Variants in PARD3B observed in about 807,000 individuals in gnomAD.
The protein encoded by PARD3B is par-3 family cell polarity regulator beta.
A neutral mutation model predicts 130.2 loss-of-function variants in PARD3B; 103 were observed. That is an observed-to-expected ratio of 0.79 (90% CI 0.67 to 0.93). The LOEUF (loss-of-function observed/expected upper bound fraction) is 0.93, where lower values mean the gene tolerates loss of function less well. Ranked by LOEUF, PARD3B falls within the 40% of genes least tolerant of loss-of-function variation. PARD3B has a pLI of 0.00. For synonymous variants in PARD3B, 583 were observed against 553.2 expected (o/e 1.05, Z -0.76); for missense variants, 1,609 against 1,499.2 (o/e 1.07, Z -1.21).
intron 18 of PARD3B, among the ~76,000 whole-genome samples, chr2:205,396,400 C>G (rs1463333596): frequency 6.6e-6 from 1 of 152,070 alleles, no homozygotes. Flanking sequence ...TAGTGGATAC[C>G]TAATAAATAT....
chr2:205,073,804 G>A (rs1575707097), intron 4 of PARD3B, among the ~76,000 whole-genome samples: 1 of 152,236 alleles, frequency 6.6e-6, no homozygotes, highest in East Asian at 1.9e-4. Flanking sequence ...GGAAAGATGT[G>A]TTGAATATAA....
At chr2:205,541,405 A>G (rs972997459) in intron 21 of PARD3B, among the ~76,000 whole-genome samples, 2 of 148,370 alleles carry the variant, frequency 1.3e-5, no homozygotes, top group African/African-American at 5.0e-5. Flanking sequence ...CTGGAATGCA[A>G]TGGCGTGATC....
chr2:204,613,545 T>C (rs962195636), intron 1 of PARD3B, among the ~76,000 whole-genome samples: 3 of 152,120 alleles, frequency 2.0e-5, no homozygotes, highest in African/African-American at 7.2e-5. Flanking sequence ...GGTTCTGTTA[T>C]TGCGTTTTGG....
At chr2:205,314,852 C>G (rs2042507112) in intron 18 of PARD3B, among the ~76,000 whole-genome samples, 1 of 152,150 alleles carries the variant, frequency 6.6e-6, no homozygotes, top group Non-Finnish European at 1.5e-5. Flanking sequence ...TCCTGACTCT[C>G]CCAATTCTGT....
intron 18 of PARD3B, among the ~76,000 whole-genome samples, chr2:205,376,065 G>T (rs1326710228): frequency 6.6e-6 from 1 of 152,104 alleles, no homozygotes; most frequent in Admixed American, 6.5e-5. Context: ...AATAACAAGT[G>T]TTTACTGACT....
In PARD3B at chr2:204,623,559, C is replaced by CT. The variant is rs1305116312; in HGVS notation, c.121-62613dup. ...GCAGTCCATGACCTTTTGAGAATGA[C>CT]TTTTTTTTTCTACTTGGCATAATGT... On this transcript the variant is annotated intron_variant, in intron 1 of 22. Transcript: ENST00000406610. This position sits in a 1 kb window ranked among gnomAD's most constrained non-coding sequence, Gnocchi z 4.5. Among the ~76,000 whole-genome samples, 3 of 151,572 alleles carry CT rather than the reference C, an allele frequency of 2.0e-5. No homozygotes were observed. Among genetic ancestry groups the CT allele is most frequent in the Non-Finnish European group, 2.9e-5 (2 of 67,816 alleles).
At chr2:204,577,881 T>C (rs1045826486) in intron 1 of PARD3B, among the ~76,000 whole-genome samples, 2 of 152,234 alleles carry the variant, frequency 1.3e-5, no homozygotes, top group South Asian at 2.1e-4. Context: ...TTTCTCACTT[T>C]TAAATGATGG....
In PARD3B at chr2:205,021,578, TTCTC is replaced by T. The variant is rs1268921716; in HGVS notation, c.395-25995_395-25992del. 6.0e-5 allele frequency among the ~76,000 whole-genome samples: 9 copies of T among 151,258 alleles called. No homozygotes were observed. Among genetic ancestry groups the T allele is most frequent in the Non-Finnish European group, 1.0e-4 (7 of 67,794 alleles). ...ATTTATTGAGCAACTATATGCTCTC[TTCTC>T]TCTCTCTTCTCTTCTCTCTCTCTCT... On this transcript the variant is annotated intron_variant, in intron 3 of 22. Coordinates refer to ENST00000406610, the MANE Select transcript of PARD3B (RefSeq NM_001302769.2). This position sits in a 1 kb window ranked among gnomAD's most constrained non-coding sequence, Gnocchi z 4.5.
intron 21 of PARD3B, among the ~76,000 whole-genome samples, chr2:205,512,490 TCA>T (rs2050623495): frequency 1.3e-5 from 2 of 152,286 alleles, no homozygotes; most frequent in East Asian, 3.9e-4. Flanking sequence ...CATCTCTCAC[TCA>T]CAGACATAGC....
chr2:204,842,900 A>G (rs909974550), intron 2 of PARD3B, among the ~76,000 whole-genome samples: 1 of 152,110 alleles, frequency 6.6e-6, no homozygotes, highest in African/African-American at 2.4e-5. Context: ...GAAATGTACC[A>G]GAATAGGAGA....
intron 19 of PARD3B, among the ~76,000 whole-genome samples, chr2:205,414,853 A>ATAT (rs1249949584): frequency 2.0e-5 from 3 of 152,118 alleles, no homozygotes; most frequent in Non-Finnish European, 2.9e-5. Flanking sequence ...GCACTTAAAG[A>ATAT]TATTTTCAGA....
Position 205,120,481 on chromosome 2 carries a change from G to T in PARD3B, c.807-1110G>T, listed in dbSNP as rs139940972. 5.4e-3 allele frequency among the ~76,000 whole-genome samples: 815 copies of T among 152,280 alleles called. 5 individuals carry two copies. Among genetic ancestry groups the T allele is most frequent in the African/African-American group, 0.018 (763 of 41,546 alleles). On this transcript the variant is annotated intron_variant, in intron 7 of 22. Coordinates refer to ENST00000406610, the MANE Select transcript of PARD3B (RefSeq NM_001302769.2). ...GTTTAAGGAATCAGATTGCAGTTGGGATTATGATTAGTTATTATGTGCTGT... is the reference window on the plus strand; with the variant it reads ...GTTTAAGGAATCAGATTGCAGTTGGTATTATGATTAGTTATTATGTGCTGT...
intron 2 of PARD3B, among the ~76,000 whole-genome samples, chr2:204,924,816 G>A (rs1361182683): frequency 6.6e-6 from 1 of 151,996 alleles, no homozygotes; most frequent in East Asian, 1.9e-4. Flanking sequence ...TGCCGAATTG[G>A]ATTCACAGTA....
chr2:204,904,990 G>C (rs939520170), intron 2 of PARD3B, among the ~76,000 whole-genome samples: 4 of 152,290 alleles, frequency 2.6e-5, no homozygotes, highest in African/African-American at 9.6e-5. Flanking sequence ...AAAGACTTGG[G>C]AAGGAAGCAT....
At chr2:205,344,845 A>T (rs1185288240) in intron 18 of PARD3B, among the ~76,000 whole-genome samples, 1 of 152,188 alleles carries the variant, frequency 6.6e-6, no homozygotes. Context: ...GCATAAAGAA[A>T]ATGTTCTGAA....
chr2:205,138,319 C>T (rs2032662924), intron 10 of PARD3B, among the ~76,000 whole-genome samples: 1 of 152,094 alleles, frequency 6.6e-6, no homozygotes, highest in South Asian at 2.1e-4. Context: ...AGCGTTTTTA[C>T]CTAAAACATT....
At chr2:204,628,208 C>T (rs2034553348) in intron 1 of PARD3B, among the ~76,000 whole-genome samples, 1 of 152,000 alleles carries the variant, frequency 6.6e-6, no homozygotes, top group South Asian at 2.1e-4. Flanking sequence ...TCTCCCTATC[C>T]CGCTTTGCTT....
intron 2 of PARD3B, among the ~76,000 whole-genome samples, chr2:204,926,627 T>C (rs745401605): frequency 6.6e-6 from 1 of 152,098 alleles, no homozygotes; most frequent in African/African-American, 2.4e-5. Flanking sequence ...TTTACCCTTA[T>C]TATTTCTCTC....
chr2:205,143,234 C>T (rs973104569), intron 10 of PARD3B, among the ~76,000 whole-genome samples: 3 of 151,990 alleles, frequency 2.0e-5, no homozygotes, highest in South Asian at 4.1e-4. Flanking sequence ...TGTGGGTTTG[C>T]GCCATCAGGG....
Sources: allele counts gnomAD v4.1 joint callset (sites outside exome capture counted in the v4.1 genomes callset), GRCh38; gene constraint gnomAD v4.1.1; non-coding constraint Gnocchi (gnomAD v3.1); transcripts MANE v1.5; gene names NCBI Gene and HGNC (gene_info 2026-07-23, HGNC 2026-07-21).